Variants in POLD3 observed in about 807,000 individuals in gnomAD.
POLD3 encodes DNA polymerase delta subunit 3.
In POLD3, 19 loss-of-function variants were observed where a neutral mutation model predicts 58.2. The observed-to-expected ratio is 0.33, with a 90% CI of 0.23 to 0.48. POLD3 has a LOEUF of 0.48. Ranked by LOEUF, POLD3 falls within the 20% of genes least tolerant of loss-of-function variation. The pLI, the probability that POLD3 is intolerant of heterozygous loss-of-function variation, is 0.99. For missense variants in POLD3, 504 were observed against 545.5 expected (o/e 0.92, Z 0.76); for synonymous variants, 172 against 193.5 (o/e 0.89, Z 0.92).
chr11:74,647,632 C>T (rs1028538067), downstream of POLD3, among the ~76,000 whole-genome samples: 2 of 152,128 alleles, frequency 1.3e-5, no homozygotes, highest in African/African-American at 4.8e-5. Flanking sequence ...GCTTATTTGC[C>T]CAACAACTAT....
At chr11:74,648,394 G>A (rs576023211) in intron 4 of POLD3, among the ~76,000 whole-genome samples, 94 of 152,284 alleles carry the variant, frequency 6.2e-4, no homozygotes, top group African/African-American at 2.2e-3. Context: ...TCTGACTACT[G>A]TACCATGTCC....
chr11:74,654,395 G>A (rs1455989265), intron 4 of POLD3, among the ~76,000 whole-genome samples: 5 of 151,632 alleles, frequency 3.3e-5, no homozygotes, highest in Admixed American at 1.3e-4. Flanking sequence ...ACTCGTAAAC[G>A]TGCACACAAT....
At chr11:74,612,286 A>G (rs1226810727) in intron 4 of POLD3, among the ~76,000 whole-genome samples, 4 of 152,158 alleles carry the variant, frequency 2.6e-5, no homozygotes, top group Admixed American at 2.0e-4. Context: ...TAAGCAAAGC[A>G]AAATTTCTTT....
At chr11:74,638,733 G>A (rs750707705) in intron 11 of POLD3, 18 of 453,586 alleles carry the variant, frequency 4.0e-5, no homozygotes, top group African/African-American at 1.8e-4. Flanking sequence ...AAACTTTGCC[G>A]GCTATGTGCA....
At chr11:74,665,123 TAAATAAATAAATAATAAAATAA>T (rs2033251787) in intron 4 of POLD3, among the ~76,000 whole-genome samples, 1 of 140,856 alleles carries the variant, frequency 7.1e-6, no homozygotes, top group African/African-American at 2.6e-5. Flanking sequence ...AAAAATAAAA[TAAATAAATAAATAATAAAATAA>T]AAATAAATAA....
chr11:74,637,806 C>CTTTTTTTT (rs11354555), intron 11 of POLD3, among the ~76,000 whole-genome samples: 1 of 143,812 alleles, frequency 7.0e-6, no homozygotes, highest in Non-Finnish European at 1.5e-5. Context: ...TCACATTGCA[C>CTTTTTTTT]TTTTTTTTTT....
intron 2 of POLD3, among the ~76,000 whole-genome samples, chr11:74,601,235 T>C (rs1005595155): frequency 8.5e-5 from 13 of 152,154 alleles, no homozygotes; most frequent in Non-Finnish European, 1.8e-4. Flanking sequence ...TTTAGCATGG[T>C]CCAAACTAGC....
intron 4 of POLD3, among the ~76,000 whole-genome samples, chr11:74,666,896 G>A (rs1365350064): frequency 6.6e-6 from 1 of 150,858 alleles, no homozygotes; most frequent in African/African-American, 2.4e-5. Context: ...ATCTAGATCA[G>A]TGAAACAATT....
chr11:74,632,458 C>T (rs1462028830), intron 9 of POLD3, among the ~76,000 whole-genome samples: 2 of 152,132 alleles, frequency 1.3e-5, no homozygotes, highest in African/African-American at 4.8e-5. Context: ...GGATGTTTGG[C>T]TTGGTAAAGA....
chr11:74,603,537 C>T (rs1279017999), intron 2 of POLD3, among the ~76,000 whole-genome samples: 1 of 152,102 alleles, frequency 6.6e-6, no homozygotes, highest in Non-Finnish European at 1.5e-5. Flanking sequence ...AGTTCCACAT[C>T]CCAAGAAACC....
chr11:74,641,115 G>A lies in POLD3; in HGVS notation c.*349G>A, dbSNP rs138458423. On this transcript the variant is annotated 3_prime_UTR_variant, in exon 12 of 12. Coordinates refer to ENST00000263681, the MANE Select transcript of POLD3 (RefSeq NM_006591.3). The stretch of plus-strand genomic sequence containing the variant: ...CTCCACTCACCCTATGCCCTGGTCC[G>A]CATATGGCACAGGAATTATTCCTTC... 5,011 of 1,003,598 alleles carry A rather than the reference G, an allele frequency of 5.0e-3. 34 individuals carry two copies. Among genetic ancestry groups the A allele is most frequent in the Middle Eastern group, 0.015 (30 of 2,012 alleles). 62.2% of individuals were successfully genotyped at this position (1,003,598 alleles called of 1,614,324 possible).
At position 74,658,406 on chromosome 11, in the gene POLD3, T is replaced by C. The variant is rs189151630; in HGVS notation, c.370-10371T>C. On this transcript the variant is annotated intron_variant, in intron 4 of 4. Coordinates refer to the POLD3 transcript ENST00000524752. ...CAGCCAAACAGTATCATTCTGCTCC[T>C]GGCCCCTCCAAATCTCATGTTCTCA... Among the ~76,000 whole-genome samples, 502 of 152,298 alleles carry C rather than the reference T, an allele frequency of 3.3e-3. 1 individual carries two copies. Among genetic ancestry groups the C allele is most frequent in the Non-Finnish European group, 5.4e-3 (370 of 68,026 alleles).
chr11:74,600,498 G>A (rs2031451058), intron 2 of POLD3, among the ~76,000 whole-genome samples: 1 of 151,566 alleles, frequency 6.6e-6, no homozygotes, highest in African/African-American at 2.4e-5. Flanking sequence ...CAAAAAATTA[G>A]CCAGCGTGTG....
At chr11:74,625,736 T>C (rs2032412572) in intron 8 of POLD3, among the ~76,000 whole-genome samples, 163 bp downstream of exon 8, 1 of 152,158 alleles carries the variant, frequency 6.6e-6, no homozygotes. Context: ...CCCAGTAGCT[T>C]ATCTAGTGGA....
chr11:74,599,986 C>T (rs943594888), intron 2 of POLD3, among the ~76,000 whole-genome samples: 1 of 150,906 alleles, frequency 6.6e-6, no homozygotes, highest in African/African-American at 2.4e-5. Context: ...AGCTCTGTTG[C>T]CCAGGCTGGA....
chr11:74,660,134 G>C (rs868487351), intron 4 of POLD3, among the ~76,000 whole-genome samples: 12 of 152,282 alleles, frequency 7.9e-5, no homozygotes, highest in Middle Eastern at 3.4e-3. Context: ...AAAATGAGGA[G>C]GAAGCAAAAC....
At chr11:74,595,827 A>T (rs1291623014) in intron 2 of POLD3, among the ~76,000 whole-genome samples, 1 of 152,126 alleles carries the variant, frequency 6.6e-6, no homozygotes, top group Non-Finnish European at 1.5e-5. Flanking sequence ...CATGTTTCCC[A>T]TGCTGGTCCC....
chr11:74,669,148 C>G (rs2135205583), downstream of POLD3: 1 of 189,440 alleles, frequency 5.3e-6, no homozygotes, highest in South Asian at 9.3e-5. Flanking sequence ...CTATCAGTGC[C>G]TCAGTTTCCT....
chr11:74,635,962 T>C (rs1251041165), intron 10 of POLD3, among the ~76,000 whole-genome samples: 1 of 152,240 alleles, frequency 6.6e-6, no homozygotes, highest in Non-Finnish European at 1.5e-5. Flanking sequence ...CACAGTTCTT[T>C]CTTCAGCATG....
Sources: gnomAD v4.1 joint callset for allele counts (sites outside exome capture counted in the v4.1 genomes callset) on GRCh38, gnomAD v4.1.1 for gene constraint, MANE v1.5 for transcripts, NCBI Gene and HGNC (gene_info 2026-07-23, HGNC 2026-07-21) for gene names.